The following STON1 variants were observed in gnomAD, a reference collection of about 807,000 sequenced individuals.
STON1 encodes the protein stonin-1.
Under a neutral mutation model 60.9 loss-of-function variants are expected in STON1, and 79 were observed. The ratio of observed to expected loss-of-function variants is 1.30; its 90% CI spans 1.08 to 1.56. The LOEUF (loss-of-function observed/expected upper bound fraction) is 1.56. STON1 is among the 40% of genes most tolerant of loss of function. STON1 has a pLI of 0.00. For missense variants in STON1, 1,166 were observed against 858.9 expected (o/e 1.36, Z -4.47); for synonymous variants, 363 against 306.9 (o/e 1.18, Z -1.91).
At chr2:48,549,832 A>AAG (rs1271512366) in intron 1 of STON1, among the ~76,000 whole-genome samples, 1 of 149,070 alleles carries the variant, frequency 6.7e-6, no homozygotes, top group Non-Finnish European at 1.5e-5. Flanking sequence ...AAAAAAAAAA[A>AAG]AGAGAAAAGA....
At chr2:48,534,372 A>G (rs1365533406) in intron 1 of STON1, among the ~76,000 whole-genome samples, 1 of 152,224 alleles carries the variant, frequency 6.6e-6, no homozygotes, top group Non-Finnish European at 1.5e-5. Context: ...ATGGTCACAC[A>G]GCCACTAAGT....
Position 48,557,392 on chromosome 2 carries a change from A to T in STON1, c.-47-23195A>T, listed in dbSNP as rs56244149. ...TCAGACGATGGGCGGCCGAGCAGAG[A>T]GGCTCCTCACTTCCTAGATGTGATG... On this transcript the variant is annotated intron_variant, in intron 1 of 3. Transcript: ENST00000404752. 5.8e-5 allele frequency among the ~76,000 whole-genome samples: 6 copies of T among 103,368 alleles called. 1 individual carries two copies. Among genetic ancestry groups the T allele is most frequent in the Non-Finnish European group, 1.3e-4 (6 of 46,318 alleles). 67.8% of individuals were successfully genotyped at this position (103,368 alleles called of 152,430 possible).
intron 1 of STON1, among the ~76,000 whole-genome samples, chr2:48,572,158 A>G (rs1232967180): frequency 6.6e-6 from 1 of 152,144 alleles, no homozygotes; most frequent in Non-Finnish European, 1.5e-5. Flanking sequence ...GGAAGACTCC[A>G]TCTCTGGAAA....
intron 1 of STON1, among the ~76,000 whole-genome samples, chr2:48,537,980 G>A (rs1671499558): frequency 1.3e-5 from 2 of 150,378 alleles, no homozygotes. Context: ...TTTCGAGACA[G>A]AGTCTTCCTG....
At chr2:48,534,928 C>A (rs1041211531) in intron 1 of STON1, among the ~76,000 whole-genome samples, 3 of 152,212 alleles carry the variant, frequency 2.0e-5, no homozygotes, top group African/African-American at 7.2e-5. Flanking sequence ...TAGCTCACCC[C>A]TTCCTTGCAA....
chr2:48,589,970 T>C (rs1572647634), intron 2 of STON1, among the ~76,000 whole-genome samples: 1 of 152,322 alleles, frequency 6.6e-6, no homozygotes, highest in East Asian at 1.9e-4. Flanking sequence ...GTTCAGGTTA[T>C]CCTCATTATC....
chr2:48,575,178 A>G (rs1454121189), intron 1 of STON1, among the ~76,000 whole-genome samples: 5 of 152,198 alleles, frequency 3.3e-5, no homozygotes, highest in Non-Finnish European at 7.3e-5. Flanking sequence ...TCTATGTTGC[A>G]ACTTGCGTCA....
chr2:48,555,297 G>A (rs1572941286), intron 1 of STON1, among the ~76,000 whole-genome samples: 4 of 86,338 alleles, frequency 4.6e-5, no homozygotes, highest in Admixed American at 1.1e-4. Context: ...CTCCCGGACG[G>A]GGCGGCTGGC....
At chr2:48,538,453 G>T (rs534773535) in intron 1 of STON1, among the ~76,000 whole-genome samples, 1 of 152,102 alleles carries the variant, frequency 6.6e-6, no homozygotes, top group African/African-American at 2.4e-5. Context: ...TGATAATTTA[G>T]TTTAGATGAT....
At chr2:48,537,204 A>T (rs1671464983) in intron 1 of STON1, among the ~76,000 whole-genome samples, 2 of 152,178 alleles carry the variant, frequency 1.3e-5, no homozygotes, top group Admixed American at 1.3e-4. Flanking sequence ...CTTTAACTTT[A>T]ACTGCTCTTA....
intron 1 of STON1, among the ~76,000 whole-genome samples, chr2:48,551,843 T>C (rs1329601364): frequency 1.3e-5 from 2 of 152,242 alleles, no homozygotes; most frequent in Non-Finnish European, 2.9e-5. Context: ...TCCCCTGTGC[T>C]GGAGTTGCTC....
chr2:48,536,547 TAAAAA>T (rs540312014), intron 1 of STON1, among the ~76,000 whole-genome samples: 17,084 of 102,666 alleles, frequency 0.17, 1,503 homozygotes, highest in East Asian at 0.41. Context: ...GATGCCATCT[TAAAAA>T]AAAAAAAAAA....
chr2:48,587,240 A>G (rs372084846), intron 2 of STON1, among the ~76,000 whole-genome samples: 42 of 152,316 alleles, frequency 2.8e-4, no homozygotes, highest in African/African-American at 9.4e-4. Flanking sequence ...CCTGCTCTGC[A>G]TATGCCTTTG....
chr2:48,546,167 T>C (rs1030564571), intron 1 of STON1, among the ~76,000 whole-genome samples: 4 of 152,234 alleles, frequency 2.6e-5, no homozygotes, highest in Admixed American at 1.3e-4. Flanking sequence ...TCTAAAATTC[T>C]GATTTGACCC....
intron 1 of STON1, among the ~76,000 whole-genome samples, chr2:48,548,535 G>A (rs1671954748): frequency 6.8e-6 from 1 of 146,852 alleles, no homozygotes; most frequent in East Asian, 2.0e-4. Flanking sequence ...GTCTCCCTCT[G>A]TTGCCCAGGC....
At chr2:48,568,896 G>A (rs1000139741) in intron 1 of STON1, 2 of 152,212 alleles carry the variant, frequency 1.3e-5, no homozygotes, top group African/African-American at 4.8e-5. Context: ...CCTGGCTCCA[G>A]GAAGTGGTGG....
chr2:48,565,045 CTTTT>C (rs35791710), intron 1 of STON1, among the ~76,000 whole-genome samples: 29 of 86,506 alleles, frequency 3.4e-4, no homozygotes, highest in African/African-American at 9.2e-4. Flanking sequence ...CCGGCTTCTT[CTTTT>C]TTTTTTTTTT....
At chr2:48,576,264 ACTGCAACCT>A (rs1400771665) in intron 1 of STON1, among the ~76,000 whole-genome samples, 8 of 124,004 alleles carry the variant, frequency 6.5e-5, no homozygotes, top group Admixed American at 5.7e-4. Flanking sequence ...ATCTCTGCTC[ACTGCAACCT>A]CTGCCTCTTG....
chr2:48,543,262 A>G lies in STON1; in HGVS notation c.-48+13046A>G, dbSNP rs973530544. ...AGTGCTGGGATTACATGTGTGAACC[A>G]TTGCACCCGGCCATATCTTGATATT... On this transcript the variant is annotated intron_variant, in intron 1 of 3. Transcript: ENST00000404752. Among the ~76,000 whole-genome samples, 6 of 152,118 alleles carry G rather than the reference A, an allele frequency of 3.9e-5. No homozygotes were observed. In the South Asian group the frequency reaches 1.2e-3, roughly 32 times the overall value.
Sources: allele counts gnomAD v4.1 joint callset (sites outside exome capture counted in the v4.1 genomes callset), GRCh38; gene constraint gnomAD v4.1.1; transcripts MANE v1.5; gene names NCBI Gene and HGNC (gene_info 2026-07-23, HGNC 2026-07-21).